Variants in ROBO2 observed in about 807,000 individuals in gnomAD.
ROBO2 encodes roundabout guidance receptor 2.
A neutral mutation model predicts 160.8 loss-of-function variants in ROBO2; 53 were observed. That is an observed-to-expected ratio of 0.33 (90% CI 0.26 to 0.41). The LOEUF (loss-of-function observed/expected upper bound fraction) is 0.41, where lower values mean the gene tolerates loss of function less well. Among genes scored for constraint, ROBO2 ranks in the 10% least tolerant of loss-of-function variants. The pLI is 1.00. For synonymous variants in ROBO2, 664 were observed against 611.7 expected (o/e 1.09, Z -1.26); for missense variants, 1,577 against 1,722.4 (o/e 0.92, Z 1.49).
chr3:77,360,737 C>T (rs775965769), intron 2 of ROBO2, among the ~76,000 whole-genome samples: 1 of 151,868 alleles, frequency 6.6e-6, no homozygotes, highest in East Asian at 1.9e-4. Flanking sequence ...CAGGATTCCT[C>T]TCCTCTCTGA....
chr3:77,612,407 C>T lies in ROBO2; in HGVS notation c.3293+4453C>T, dbSNP rs544485943. ...TTGCAATGGATTAAGACGTGAACAC[C>T]ATAGAGATAACAGACCATTCTTCTC... On this transcript the variant is annotated intron_variant, in intron 21 of 25. Coordinates refer to ENST00000461745, the Ensembl canonical transcript of ROBO2. Among the ~76,000 whole-genome samples the T allele has an allele frequency of 5.3e-5, 8 of 152,272 alleles. No homozygotes were observed. The East Asian group carries it at 1.5e-3, about 29-fold the overall frequency.
At chr3:75,964,816 T>G (rs1307251686) in intron 2 of ROBO2, among the ~76,000 whole-genome samples, 1 of 151,716 alleles carries the variant, frequency 6.6e-6, no homozygotes, top group Non-Finnish European at 1.5e-5. Context: ...TTACATTTAT[T>G]TATATTGTAC....
chr3:77,332,287 T>C (rs942442938), intron 2 of ROBO2, among the ~76,000 whole-genome samples: 3 of 152,222 alleles, frequency 2.0e-5, no homozygotes, highest in Non-Finnish European at 4.4e-5. Context: ...CTTGTACTTA[T>C]TAACATCTGA....
intron 1 of ROBO2, among the ~76,000 whole-genome samples, chr3:75,913,209 A>G (rs1475333479): frequency 1.3e-5 from 2 of 151,982 alleles, no homozygotes; most frequent in Non-Finnish European, 2.9e-5. Context: ...TCCTCCTTTA[A>G]CTTTGAGTCC....
At chr3:75,987,474 C>G (rs2065444759) in intron 2 of ROBO2, among the ~76,000 whole-genome samples, 1 of 151,482 alleles carries the variant, frequency 6.6e-6, no homozygotes, top group African/African-American at 2.4e-5. Context: ...AGTTTTCTAC[C>G]TAAAGTATTA....
intron 2 of ROBO2, among the ~76,000 whole-genome samples, chr3:76,972,204 A>G (rs573124732): frequency 9.9e-5 from 15 of 151,664 alleles, no homozygotes; most frequent in Middle Eastern, 3.4e-3. Context: ...AGAGTCTCCA[A>G]AAAAAAAATC....
At chr3:76,454,412 T>G (rs920630734) in intron 2 of ROBO2, among the ~76,000 whole-genome samples, 2 of 152,176 alleles carry the variant, frequency 1.3e-5, no homozygotes, top group African/African-American at 4.8e-5. Context: ...GAGGTGTATG[T>G]GATGAAAACA....
intron 2 of ROBO2, among the ~76,000 whole-genome samples, chr3:77,435,360 T>G (rs1230254312): frequency 6.6e-6 from 1 of 152,026 alleles, no homozygotes; most frequent in Non-Finnish European, 1.5e-5. Context: ...CATATCATAT[T>G]TTATTAAGAA....
chr3:76,853,049 A>G (rs1025524441), intron 2 of ROBO2, among the ~76,000 whole-genome samples: 2 of 152,120 alleles, frequency 1.3e-5, no homozygotes, highest in African/African-American at 4.8e-5. Flanking sequence ...TGTGATTTAC[A>G]TTTTAAAATA....
At chr3:76,231,933 ATTAC>A (rs1233875582) in intron 2 of ROBO2, among the ~76,000 whole-genome samples, 1 of 152,220 alleles carries the variant, frequency 6.6e-6, no homozygotes, top group Admixed American at 6.5e-5. Flanking sequence ...ATAATTTTTT[ATTAC>A]TTATTCTCTA....
intron 4 of ROBO2, among the ~76,000 whole-genome samples, chr3:77,491,475 TG>T (rs1395394253): frequency 6.6e-6 from 1 of 152,184 alleles, no homozygotes. Flanking sequence ...TATTAGCATT[TG>T]GGACCCTCAT....
intron 2 of ROBO2, among the ~76,000 whole-genome samples, chr3:76,832,488 G>A (rs994151196): frequency 1.4e-4 from 22 of 152,204 alleles, no homozygotes; most frequent in Non-Finnish European, 2.4e-4. Flanking sequence ...GCATCATAAC[G>A]TGCAAATTGA....
chr3:77,024,737 T>C (rs2062854114), intron 2 of ROBO2, among the ~76,000 whole-genome samples: 1 of 152,164 alleles, frequency 6.6e-6, no homozygotes, highest in South Asian at 2.1e-4. Flanking sequence ...TAAATTTTAA[T>C]TTTGCTTTTA....
intron 2 of ROBO2, among the ~76,000 whole-genome samples, chr3:77,132,745 A>G (rs1224593685): frequency 6.6e-6 from 1 of 151,894 alleles, no homozygotes; most frequent in African/African-American, 2.4e-5. Context: ...GAGTGTGAAA[A>G]TGTCTACAAT....
intron 2 of ROBO2, among the ~76,000 whole-genome samples, chr3:76,744,369 T>C (rs1349245187): frequency 6.7e-6 from 1 of 150,208 alleles, no homozygotes; most frequent in Non-Finnish European, 1.5e-5. Flanking sequence ...TCTTCTTCTT[T>C]TTCTTTTTGA....
intron 2 of ROBO2, among the ~76,000 whole-genome samples, chr3:77,444,408 C>T (rs892845790): frequency 6.6e-6 from 1 of 152,062 alleles, no homozygotes; most frequent in Non-Finnish European, 1.5e-5. Flanking sequence ...CTTTTGTATA[C>T]ATTAACTTGT....
chr3:76,325,082 G>A (rs1403012321), intron 2 of ROBO2, among the ~76,000 whole-genome samples: 2 of 152,234 alleles, frequency 1.3e-5, no homozygotes, highest in East Asian at 1.9e-4. Context: ...TCCAGCCTGC[G>A]TGACAGAGCG....
At chr3:77,566,127 A>G (rs1056654303) in intron 12 of ROBO2, among the ~76,000 whole-genome samples, 8 of 152,098 alleles carry the variant, frequency 5.3e-5, no homozygotes, top group African/African-American at 9.7e-5. Context: ...TATAATTACA[A>G]TGTAGTTCGG....
intron 2 of ROBO2, among the ~76,000 whole-genome samples, chr3:76,256,022 G>A (rs910531908): frequency 2.0e-5 from 3 of 152,038 alleles, no homozygotes; most frequent in African/African-American, 7.2e-5. Context: ...CCCTGAGCCA[G>A]GTGCAGTGGT....
Sources: allele counts gnomAD v4.1 joint callset (sites outside exome capture counted in the v4.1 genomes callset), GRCh38; gene constraint gnomAD v4.1.1; transcripts MANE v1.5; gene names NCBI Gene and HGNC (gene_info 2026-07-23, HGNC 2026-07-21).